The following CFAP46 variants were observed in gnomAD, a reference collection of about 807,000 sequenced individuals.
CFAP46 encodes cilia and flagella associated protein 46.
A neutral mutation model predicts 325.7 loss-of-function variants in CFAP46; 245 were observed. The ratio of observed to expected loss-of-function variants is 0.75; its 90% CI spans 0.68 to 0.84. CFAP46 has a LOEUF of 0.84. Ranked by LOEUF, CFAP46 falls within the 40% of genes least tolerant of loss-of-function variation. The pLI is 0.00. For missense variants in CFAP46, 3,346 were observed against 3,543.0 expected, an observed-to-expected ratio of 0.94 and a Z score of 1.41; for synonymous variants, 1,523 against 1,495.9, an observed-to-expected ratio of 1.02 and a Z score of -0.42.
chr10:132,904,295 C>A (rs887678805), intron 22 of CFAP46, among the ~76,000 whole-genome samples: 2 of 152,250 alleles, frequency 1.3e-5, no homozygotes, highest in African/African-American at 4.8e-5. Context: ...AGCACGCCTG[C>A]GGGTTCTCTC....
chr10:132,897,425 C>G (rs1192389291), intron 24 of CFAP46, among the ~76,000 whole-genome samples: 4 of 152,228 alleles, frequency 2.6e-5, no homozygotes, highest in Non-Finnish European at 5.9e-5. Flanking sequence ...CTGCTACGGC[C>G]CTCACTGTCC....
intron 10 of CFAP46, 49 bp from the exon 11 acceptor site, chr10:132,924,935 C>CA (rs1554885103): frequency 1.7e-4 from 225 of 1,355,232 alleles, no homozygotes; most frequent in Middle Eastern, 1.4e-3. Flanking sequence ...GCTCGAGCTG[C>CA]GGGGCTGGGG....
intron 26 of CFAP46, 119 bp from the exon 27 acceptor site, chr10:132,885,405 G>T: frequency 9.6e-7 from 1 of 1,046,444 alleles, no homozygotes; most frequent in Non-Finnish European, 1.3e-6. Flanking sequence ...GCAAAGCAGA[G>T]CCCAGGTGAG....
At chr10:132,837,140 T>A in intron 44 of CFAP46, 1 of 508,820 alleles carries the variant, frequency 2.0e-6, no homozygotes, top group Non-Finnish European at 3.5e-6. Context: ...CCCCAAAATG[T>A]CATTTCTCTC....
At chr10:132,863,654 G>A (rs953465766) in intron 35 of CFAP46, among the ~76,000 whole-genome samples, 6 of 147,510 alleles carry the variant, frequency 4.1e-5, no homozygotes, top group East Asian at 2.0e-4. Flanking sequence ...TTCCTGAGAC[G>A]TGCACACACC....
Position 132,918,418 on chromosome 10 carries a change from G to A in CFAP46, c.1961C>T (p.Ala654Val), listed in dbSNP as rs950281715. The A allele has an allele frequency of 4.5e-6, 7 of 1,547,534 alleles. No homozygotes were observed. Among genetic ancestry groups the A allele is most frequent in the East Asian group, 2.5e-5 (1 of 40,806 alleles). Residue 654 changes from alanine to valine, a missense_variant, in exon 16 of 58, where the codon GCG (alanine) becomes GTG (valine). Ala to Val is a moderately conservative substitution (Grantham distance 64). Transcript: ENST00000368586. Reference sequence around the variant, plus strand: ...CTCAGCATGGATGAACCCCACCTCCGCGAACTTCCGCAGCAGGTCGGGGCA... The same window carrying A: ...CTCAGCATGGATGAACCCCACCTCCACGAACTTCCGCAGCAGGTCGGGGCA... ...QVCPDLLRKF[A>V]EVGFIHAEAT...
chr10:132,848,081 C>T (rs1302495278), intron 41 of CFAP46, among the ~76,000 whole-genome samples: 1 of 152,116 alleles, frequency 6.6e-6, no homozygotes, highest in African/African-American at 2.4e-5. Flanking sequence ...TTACCAAAAC[C>T]AACCAGGGCT....
chr10:132,857,888 A>T (rs1337161630), intron 38 of CFAP46, 100 bp from the exon 39 acceptor site: 1 of 1,076,732 alleles, frequency 9.3e-7, no homozygotes, highest in African/African-American at 1.6e-5. Context: ...ATTAGTGCTT[A>T]AAATGATGTT....
intron 16 of CFAP46, among the ~76,000 whole-genome samples, chr10:132,917,158 G>A (rs564524408): frequency 3.2e-4 from 48 of 152,376 alleles, no homozygotes; most frequent in Admixed American, 1.4e-3. Flanking sequence ...GTTCTGTGCC[G>A]CTTCTCACCC....
chr10:132,907,792 C>G (rs1426757185), intron 22 of CFAP46, among the ~76,000 whole-genome samples: 2 of 152,180 alleles, frequency 1.3e-5, no homozygotes, highest in Non-Finnish European at 2.9e-5. Flanking sequence ...CCCTCACAAA[C>G]AGGGTTAGTC....
At chr10:132,933,793 G>A (rs577553351) in intron 8 of CFAP46, among the ~76,000 whole-genome samples, 4 of 152,368 alleles carry the variant, frequency 2.6e-5, no homozygotes, top group East Asian at 1.9e-4. Context: ...CACCAGGACC[G>A]AGGCCTGAAC....
At chr10:132,865,936 C>T (rs887584650) in intron 35 of CFAP46, 89 bp downstream of exon 35, 46 of 1,284,272 alleles carry the variant, frequency 3.6e-5, no homozygotes, top group Non-Finnish European at 4.5e-5. Flanking sequence ...CTGAACGCTA[C>T]AGCCCAAGCT....
intron 45 of CFAP46, among the ~76,000 whole-genome samples, chr10:132,836,613 G>T (rs1049187715): frequency 7.1e-6 from 1 of 140,670 alleles, no homozygotes; most frequent in Non-Finnish European, 1.5e-5. Context: ...TCACAGGAAG[G>T]GGTGTGTGGC....
intron 4 of CFAP46, 129 bp downstream of exon 4, chr10:132,940,867 G>A (rs1472160901): frequency 2.2e-5 from 19 of 859,978 alleles, no homozygotes; most frequent in Admixed American, 1.1e-4. Context: ...GTGATCACAC[G>A]TGCATGAAAA....
chr10:132,915,900 A>G (rs1352608367), intron 17 of CFAP46, among the ~76,000 whole-genome samples: 1 of 152,214 alleles, frequency 6.6e-6, no homozygotes, highest in Non-Finnish European at 1.5e-5. Flanking sequence ...TGCACCCCAA[A>G]AACGGTAAAA....
chr10:132,857,455 TG>T, intron 39 of CFAP46, 134 bp downstream of exon 39: 2 of 812,894 alleles, frequency 2.5e-6, no homozygotes, highest in Non-Finnish European at 1.9e-6. Flanking sequence ...TTGTTTCAGA[TG>T]GGGGAGTATC....
At chr10:132,853,911 C>T (rs555849369) in intron 39 of CFAP46, among the ~76,000 whole-genome samples, 15 of 152,128 alleles carry the variant, frequency 9.9e-5, no homozygotes, top group Admixed American at 8.5e-4. Flanking sequence ...TTTTCTGATC[C>T]GTCTGACTAG....
intron 50 of CFAP46, among the ~76,000 whole-genome samples, chr10:132,824,697 C>CT (rs1847998225): frequency 2.0e-4 from 6 of 29,486 alleles, no homozygotes; most frequent in East Asian, 6.4e-4. Context: ...GCTGTGTGTG[C>CT]GCTGATGTGT....
At chr10:132,811,593 G>C (rs563738731) in intron 55 of CFAP46, among the ~76,000 whole-genome samples, 44 of 152,326 alleles carry the variant, frequency 2.9e-4, no homozygotes, top group African/African-American at 9.9e-4. Flanking sequence ...GGGCAACCCT[G>C]GGCGCTGCCC....
Sources: gnomAD v4.1 joint callset for allele counts (sites outside exome capture counted in the v4.1 genomes callset) on GRCh38, gnomAD v4.1.1 for gene constraint, MANE v1.5 for transcripts, NCBI Gene and HGNC (gene_info 2026-07-23, HGNC 2026-07-21) for gene names.